The following EIF5 variants were observed in gnomAD, a reference collection of about 807,000 sequenced individuals.
The protein encoded by EIF5 is eukaryotic translation initiation factor 5.
A neutral mutation model predicts 48.3 loss-of-function variants in EIF5; 10 were observed. The ratio of observed to expected loss-of-function variants is 0.21; its 90% CI spans 0.13 to 0.35. The LOEUF (loss-of-function observed/expected upper bound fraction) is 0.35, where lower values mean the gene tolerates loss of function less well. Among genes scored for constraint, EIF5 ranks in the 10% least tolerant of loss-of-function variants. The probability of loss-of-function intolerance (pLI) is 1.00; values close to 1 mark genes in which losing one functional copy is unlikely to be tolerated. For synonymous variants in EIF5, 237 were observed against 173.1 expected (o/e 1.37, Z -2.90); for missense variants, 397 against 533.2 (o/e 0.74, Z 2.51).
chr14:103,337,065 T>G, intron 5 of EIF5, 51 bp from the exon 6 acceptor site: 1 of 1,530,236 alleles, frequency 6.5e-7, no homozygotes, highest in Non-Finnish European at 8.9e-7. Flanking sequence ...TGTCCTCTGA[T>G]TAGATATTTT....
At chr14:103,337,342 T>C in intron 6 of EIF5, 115 bp downstream of exon 6, 2 of 872,730 alleles carry the variant, frequency 2.3e-6, no homozygotes, top group Middle Eastern at 4.6e-4. Flanking sequence ...CGGTGGCTCA[T>C]GCTTGTATTC....
At position 103,343,734 on chromosome 14, in the gene EIF5, C is replaced by T. The variant is rs992115065; in HGVS notation, c.*2682C>T. On this transcript the variant is annotated 3_prime_UTR_variant, in exon 12 of 12. Coordinates refer to ENST00000216554, the MANE Select transcript of EIF5 (RefSeq NM_001969.5). Reference sequence around the variant, plus strand: ...AAAAAGCAGATAAGTGAGTTTGAACCTTTTGCATTTTGTTAGCTCAGTCAG... The same window carrying T: ...AAAAAGCAGATAAGTGAGTTTGAACTTTTTGCATTTTGTTAGCTCAGTCAG... 2.6e-5 allele frequency: 4 copies of T among 152,168 alleles called. No individual in the cohort carries two copies. The highest frequency in any genetic ancestry group is 9.7e-5 in the African/African-American group (4 of 41,426). The allele number at this position is 152,168 out of a possible 1,614,324, so 9.4% of individuals were successfully genotyped here.
Position 103,344,627 on chromosome 14 carries a change from G to C in EIF5, c.*3575G>C, listed in dbSNP as rs1292254923. The C allele has an allele frequency of 2.0e-5, 3 of 152,208 alleles. No individual in the cohort carries two copies. Among genetic ancestry groups the C allele is most frequent in the African/African-American group, 7.2e-5 (3 of 41,446 alleles). 9.4% of individuals were successfully genotyped at this position (152,208 alleles called of 1,614,324 possible). On this transcript the variant is annotated 3_prime_UTR_variant, in exon 12 of 12. Transcript: ENST00000216554. ...GCCTAATGCTGCAGTCAGAAGCAAT[G>C]CCTGGCTGGGGCAGTAGGGGAAATT... is the stretch of plus-strand genomic sequence containing the variant.
At chr14:103,336,495 C>T (rs2089288011) in intron 4 of EIF5, 182 bp from the exon 5 acceptor site, 2 of 629,250 alleles carry the variant, frequency 3.2e-6, no homozygotes, top group South Asian at 2.2e-5. Context: ...GGGGGAGAAT[C>T]GCTTGAACCC....
chr14:103,340,677 T>G (rs533459104), intron 11 of EIF5, 116 bp downstream of exon 11: 4 of 1,356,284 alleles, frequency 2.9e-6, no homozygotes, highest in Non-Finnish European at 4.0e-6. Flanking sequence ...GTTTAGAATT[T>G]AAGATGCAGT....
chr14:103,341,024 A>T lies in EIF5; in HGVS notation c.1268A>T (p.Asp423Val), dbSNP rs772793866. The change falls in exon 12 of 12, where the codon GAT (aspartate) becomes GTT (valine). Residue 423 changes from aspartate (D) to valine (V), a missense_variant. Around this residue, in one of 4 missense-constraint regions of EIF5, gnomAD observed 160 missense variants for 184.8 expected, o/e 0.87. Transcript: ENST00000216554. ...GAGACTGTAAAGTCAGACAACAAGG[A>T]TGACGACATCGATATTGATGCCATT... The part of the protein sequence containing the change: ...KVETVKSDNK[D>V]DDIDIDAI 1 of 1,614,172 alleles carries T rather than the reference A, an allele frequency of 6.2e-7. No individual in the cohort carries two copies. Among genetic ancestry groups the T allele is most frequent in the South Asian group, 1.1e-5 (1 of 91,088 alleles).
Position 103,335,883 on chromosome 14 carries a change from G to A in EIF5, c.23G>A (p.Ser8Asn). ...AAAATGTCTGTCAATGTCAACCGCA[G>A]CGTGTCAGACCAGTTCTATCGCTAC... MSVNVNR[S>N]VSDQFYRYKM... The change falls in exon 3 of 12, where the codon AGC becomes AAC. Residue 8 changes from serine to asparagine, a missense_variant. By Grantham distance (46) the Ser-to-Asn change is conservative (BLOSUM62 1). Coordinates refer to ENST00000216554, the MANE Select transcript of EIF5 (RefSeq NM_001969.5). The A allele has an allele frequency of 2.5e-6, 4 of 1,614,180 alleles. No individual in the cohort carries two copies. The highest frequency in any genetic ancestry group is 3.4e-6 in the Non-Finnish European group (4 of 1,180,030).
chr14:103,338,583 T>G (rs1335510333), intron 7 of EIF5, 111 bp downstream of exon 7: 1 of 1,487,440 alleles, frequency 6.7e-7, no homozygotes, highest in Non-Finnish European at 9.0e-7. Flanking sequence ...AATACACTAA[T>G]ATTGTGGATT....
In EIF5 at chr14:103,343,664, A is replaced by G. The variant is rs1566725084; in HGVS notation, c.*2612A>G. On this transcript the variant is annotated 3_prime_UTR_variant, in exon 12 of 12. Transcript: ENST00000216554. ...TTCCAGTGTACCAAGCACTGACTTT[A>G]TGCCTTTGGCCTGGAGATGGCAGAA... is the stretch of plus-strand genomic sequence containing the variant. The G allele has an allele frequency of 1.3e-5, 2 of 152,320 alleles. No individual in the cohort carries two copies. Among genetic ancestry groups the G allele is most frequent in the Non-Finnish European group, 1.5e-5 (1 of 68,038 alleles). 9.4% of individuals were successfully genotyped at this position (152,320 alleles called of 1,614,324 possible). A position where few individuals can be genotyped will look rare whatever the true frequency, so the allele number is the denominator to read the frequency against.
rs1412862204 is a variant in EIF5, at chr14:103,344,420, C to T, written c.*3368C>T. 6.6e-6 allele frequency: 1 copy of T among 152,210 alleles called. No homozygotes were observed. Among genetic ancestry groups the T allele is most frequent in the African/African-American group, 2.4e-5 (1 of 41,452 alleles). 9.4% of individuals were successfully genotyped at this position (152,210 alleles called of 1,614,324 possible). A position where few individuals can be genotyped will look rare whatever the true frequency, so the allele number is the denominator to read the frequency against. The stretch of plus-strand genomic sequence containing the variant: ...AGGACCTCCAGGTGAATGGTAGGAT[C>T]TGAGTTGACCCTGCAGTTCGGTTAT... On this transcript the variant is annotated 3_prime_UTR_variant, in exon 12 of 12. Transcript: ENST00000216554.
At position 103,344,364 on chromosome 14, in the gene EIF5, T is replaced by C. The variant is rs1407358209; in HGVS notation, c.*3312T>C. ...GAGAATAGAAGCTACAGAGTTCTTT[T>C]CTTGGGACCTAGACTGGGAGGTGCA... On this transcript the variant is annotated 3_prime_UTR_variant, in exon 12 of 12. Transcript: ENST00000216554. 1 of 152,230 alleles carries C rather than the reference T, an allele frequency of 6.6e-6. No individual in the cohort carries two copies. Among genetic ancestry groups the C allele is most frequent in the African/African-American group, 2.4e-5 (1 of 41,462 alleles). The allele number at this position is 152,230 out of a possible 1,614,324, so 9.4% of individuals were successfully genotyped here. A position where few individuals can be genotyped will look rare whatever the true frequency, so the allele number is the denominator to read the frequency against.
At chr14:103,337,654 A>G (rs1046729223) in intron 6 of EIF5, 3 of 334,088 alleles carry the variant, frequency 9.0e-6, no homozygotes, top group Non-Finnish European at 1.7e-5. Flanking sequence ...CAAATCTAAG[A>G]CATCTTTCAA....
chr14:103,338,684 T>C lies in EIF5; in HGVS notation c.586-51T>C, dbSNP rs776694142. On this transcript the variant is annotated intron_variant, in intron 7 of 11. Transcript: ENST00000216554. Reference sequence around the variant, plus strand: ...TTAACTTGGCAAAATCTGAACCTTTTTGTTGTTGTTTTTAAGGCCTTTGAT... The same window carrying C: ...TTAACTTGGCAAAATCTGAACCTTTCTGTTGTTGTTTTTAAGGCCTTTGAT... 1.3e-5 allele frequency: 21 copies of C among 1,585,322 alleles called. No homozygotes were observed. In the South Asian group the frequency reaches 1.7e-4, roughly 13 times the overall value.
Position 103,338,432 on chromosome 14 carries a change from C to A in EIF5, c.545C>A (p.Pro182Gln), listed in dbSNP as rs375102484. 1 of 1,592,496 alleles carries A rather than the reference C, an allele frequency of 6.3e-7. No homozygotes were observed. Among genetic ancestry groups the A allele is most frequent in the African/African-American group, 1.4e-5 (1 of 73,866 alleles). The stretch of plus-strand genomic sequence containing the variant: ...TCCAGCAGTGAGACACCACCACCAC[C>A]ACCACCACCAAATGAAATTAATCCT... Reference protein sequence around the residue: ...SVSSSETPPPPPPPNEINPPP... With the variant: ...SVSSSETPPPQPPPNEINPPP... Residue 182 changes from proline to glutamine, a missense_variant, in exon 7 of 12, where the codon CCA becomes CAA. Coordinates refer to ENST00000216554, the MANE Select transcript of EIF5 (RefSeq NM_001969.5).
At position 103,344,502 on chromosome 14, in the gene EIF5, T is replaced by G. The variant is rs2089390082; in HGVS notation, c.*3450T>G. The G allele has an allele frequency of 6.6e-6, 1 of 152,252 alleles. No individual in the cohort carries two copies. The highest frequency in any genetic ancestry group is 2.4e-5 in the African/African-American group (1 of 41,452). 9.4% of individuals were successfully genotyped at this position (152,252 alleles called of 1,614,324 possible). A position where few individuals can be genotyped will look rare whatever the true frequency, so the allele number is the denominator to read the frequency against. On this transcript the variant is annotated 3_prime_UTR_variant, in exon 12 of 12. Coordinates refer to ENST00000216554, the MANE Select transcript of EIF5 (RefSeq NM_001969.5). The stretch of plus-strand genomic sequence containing the variant: ...GATTCACTTGGGTGTTGGGATCAAA[T>G]TTGGATTCTGTCCCAGGCCTTACTG...
Position 103,342,701 on chromosome 14 carries a change from C to T in EIF5, c.*1649C>T, listed in dbSNP as rs2089367724. On this transcript the variant is annotated 3_prime_UTR_variant, in exon 12 of 12. Coordinates refer to ENST00000216554, the MANE Select transcript of EIF5 (RefSeq NM_001969.5). ...AGAGACAAGAATTGGTCTCCAGCTG[C>T]CTTTGATCAAGATTCGGGTGCAAGT... 1 of 152,630 alleles carries T rather than the reference C, an allele frequency of 6.6e-6. No homozygotes were observed. The highest frequency in any genetic ancestry group is 2.1e-4 in the South Asian group (1 of 4,834). The allele number at this position is 152,630 out of a possible 1,614,324, so 9.5% of individuals were successfully genotyped here. A position where few individuals can be genotyped will look rare whatever the true frequency, so the allele number is the denominator to read the frequency against.
rs375336233 is a variant in EIF5, at chr14:103,336,143, A to G, written c.154+26A>G. On this transcript the variant is annotated intron_variant, in intron 4 of 11. Coordinates refer to ENST00000216554, the MANE Select transcript of EIF5 (RefSeq NM_001969.5). ...GTAAGTAAAGCTTGGAAAAGTCCAC[A>G]GGGCATATTATGGATAGAGTCTTCA... 34 of 1,609,402 alleles carry G rather than the reference A, an allele frequency of 2.1e-5. No individual in the cohort carries two copies. In the African/African-American group the frequency reaches 4.4e-4, roughly 21 times the overall value.
chr14:103,336,581 CA>C (rs35114533), intron 4 of EIF5, 95 bp from the exon 5 acceptor site: 237,897 of 1,118,190 alleles, frequency 0.21, 2,183 homozygotes, highest in East Asian at 0.3. Context: ...ACTCTTGTCT[CA>C]AAAAAAAAAA....
chr14:103,336,506 C>G, intron 4 of EIF5, 171 bp from the exon 5 acceptor site: 7 of 676,218 alleles, frequency 1.0e-5, no homozygotes, highest in East Asian at 2.9e-5. Context: ...GCTTGAACCC[C>G]GGAAACGGAG....
Sources: gnomAD v4.1 joint callset for allele counts on GRCh38, gnomAD v4.1.1 for gene constraint, gnomAD v4.1.1 regional missense constraint, MANE v1.5 for transcripts, NCBI Gene and HGNC (gene_info 2026-07-23, HGNC 2026-07-21) for gene names.